C1QTNF7: variants seen among roughly 807,000 people sequenced by gnomAD.
C1QTNF7 encodes the protein complement C1q tumor necrosis factor-related protein 7.
Under a neutral mutation model 19.6 loss-of-function variants are expected in C1QTNF7, and 15 were observed. The ratio of observed to expected loss-of-function variants is 0.76; its 90% CI spans 0.51 to 1.18. C1QTNF7 has a LOEUF of 1.18. Ranked by LOEUF, C1QTNF7 falls within the 50% of genes most tolerant of loss-of-function variation. The probability of loss-of-function intolerance (pLI) is 0.00; values close to 1 mark genes in which losing one functional copy is unlikely to be tolerated. For synonymous variants in C1QTNF7, 142 were observed against 137.5 expected (o/e 1.03, Z -0.23); for missense variants, 324 against 359.7 (o/e 0.90, Z 0.80).
intron 1 of C1QTNF7, among the ~76,000 whole-genome samples, chr4:15,375,126 C>T (rs73799820): frequency 0.069 from 10,459 of 151,950 alleles, 444 homozygotes; most frequent in African/African-American, 0.12. Context: ...TGTAACCCTA[C>T]TCTGAAAAAC....
intron 1 of C1QTNF7, among the ~76,000 whole-genome samples, chr4:15,405,402 A>C (rs1719155233): frequency 6.6e-6 from 1 of 151,964 alleles, no homozygotes. Context: ...TATCAGCAAG[A>C]CTCCTGTCAG....
At chr4:15,366,448 G>A (rs550414835) in intron 1 of C1QTNF7, among the ~76,000 whole-genome samples, 22 of 152,268 alleles carry the variant, frequency 1.4e-4, no homozygotes, top group South Asian at 4.1e-4. Context: ...ACTGCGGATA[G>A]TCCCCTGGAA....
intron 1 of C1QTNF7, among the ~76,000 whole-genome samples, chr4:15,366,915 G>A (rs1287299358): frequency 2.0e-5 from 3 of 152,150 alleles, no homozygotes; most frequent in African/African-American, 7.2e-5. Flanking sequence ...AAATTGGGGG[G>A]AAAAGATAGT....
chr4:15,423,826 C>A (rs1054072501), upstream of C1QTNF7, among the ~76,000 whole-genome samples: 1 of 152,186 alleles, frequency 6.6e-6, no homozygotes, highest in East Asian at 1.9e-4. Flanking sequence ...ACCGTTTCCC[C>A]CCCTTTTAGG....
intron 1 of C1QTNF7, among the ~76,000 whole-genome samples, chr4:15,357,281 T>C (rs749408644): frequency 9.9e-5 from 15 of 152,258 alleles, no homozygotes; most frequent in Non-Finnish European, 1.9e-4. Flanking sequence ...GTATAAAATG[T>C]AAGGAAGGCG....
chr4:15,342,118 G>A (rs1241626144), intron 1 of C1QTNF7, among the ~76,000 whole-genome samples: 1 of 152,256 alleles, frequency 6.6e-6, no homozygotes, highest in Non-Finnish European at 1.5e-5. Context: ...GCCCTGGAAA[G>A]GACAGGTCAG....
chr4:15,360,557 A>C (rs891803812), intron 1 of C1QTNF7, among the ~76,000 whole-genome samples: 1 of 152,196 alleles, frequency 6.6e-6, no homozygotes, highest in African/African-American at 2.4e-5. Context: ...ACTTAGAAAC[A>C]CTAGTCAGCA....
chr4:15,379,583 C>T (rs975456951), intron 1 of C1QTNF7, among the ~76,000 whole-genome samples: 5 of 152,192 alleles, frequency 3.3e-5, no homozygotes, highest in African/African-American at 4.8e-5. Flanking sequence ...GACTCCACAA[C>T]CTGCTAACTT....
At chr4:15,419,403 T>C (rs1711631775) in intron 1 of C1QTNF7, among the ~76,000 whole-genome samples, 1 of 152,224 alleles carries the variant, frequency 6.6e-6, no homozygotes, top group South Asian at 2.1e-4. Flanking sequence ...GGATATCGTT[T>C]GGCCATTAAT....
chr4:15,405,196 C>T (rs1719147462), intron 1 of C1QTNF7, among the ~76,000 whole-genome samples: 1 of 152,202 alleles, frequency 6.6e-6, no homozygotes, highest in South Asian at 2.1e-4. Context: ...CCTCGTTCCA[C>T]TGTTTCATCC....
chr4:15,435,594 A>G, intron 1 of C1QTNF7, 142 bp from the exon 2 acceptor site: 1 of 1,158,726 alleles, frequency 8.6e-7, no homozygotes, highest in East Asian at 2.5e-5. Context: ...GAAGGTAAAC[A>G]GTGTTTTACA....
intron 1 of C1QTNF7, among the ~76,000 whole-genome samples, chr4:15,366,844 G>T (rs1426940316): frequency 2.0e-5 from 3 of 152,296 alleles, no homozygotes; most frequent in Non-Finnish European, 4.4e-5. Context: ...GGAAGTGCAT[G>T]TGTGACTCCT....
At chr4:15,386,022 A>G (rs4698377) in intron 1 of C1QTNF7, among the ~76,000 whole-genome samples, 18,494 of 152,234 alleles carry the variant, frequency 0.12, 1,464 homozygotes, top group East Asian at 0.4. Flanking sequence ...CCAGACTGTT[A>G]TGCTCAAAAA....
chr4:15,384,771 T>C (rs1718270403), intron 1 of C1QTNF7, among the ~76,000 whole-genome samples: 1 of 152,224 alleles, frequency 6.6e-6, no homozygotes, highest in Admixed American at 6.5e-5. Flanking sequence ...ATTTTGACTG[T>C]CTTCCTTTAA....
chr4:15,445,179 A>G lies in C1QTNF7; in HGVS notation c.*2380A>G, dbSNP rs894659696. The G allele has an allele frequency of 6.6e-6, 1 of 152,262 alleles. No individual in the cohort carries two copies. Among genetic ancestry groups the G allele is most frequent in the African/African-American group, 2.4e-5 (1 of 41,464 alleles). The allele number at this position is 152,262 out of a possible 1,614,324, so 9.4% of individuals were successfully genotyped here. On this transcript the variant is annotated 3_prime_UTR_variant, in exon 3 of 3. Transcript: ENST00000444304. The stretch of plus-strand genomic sequence containing the variant: ...GACCAAGAACAATGAGTATTAGAAA[A>G]AAAGGAGACAGCAAAGGTGGTTTGA...
At chr4:15,386,539 A>T (rs534336055) in intron 1 of C1QTNF7, among the ~76,000 whole-genome samples, 6 of 152,284 alleles carry the variant, frequency 3.9e-5, no homozygotes, top group African/African-American at 1.4e-4. Flanking sequence ...TTAGATGACC[A>T]TACAAGTCAT....
At chr4:15,382,099 A>C (rs990514657) in intron 1 of C1QTNF7, among the ~76,000 whole-genome samples, 2 of 152,208 alleles carry the variant, frequency 1.3e-5, no homozygotes, top group African/African-American at 2.4e-5. Flanking sequence ...TAATTCCCAG[A>C]ATTTGTGCAA....
At chr4:15,376,699 A>G (rs562510501) in intron 1 of C1QTNF7, among the ~76,000 whole-genome samples, 10 of 152,302 alleles carry the variant, frequency 6.6e-5, no homozygotes, top group African/African-American at 2.4e-4. Flanking sequence ...CATAATAGAG[A>G]AAGTCCACAT....
chr4:15,425,636 T>C (rs1469225383), upstream of C1QTNF7, among the ~76,000 whole-genome samples: 2 of 152,068 alleles, frequency 1.3e-5, no homozygotes, highest in Admixed American at 1.3e-4. Flanking sequence ...GGAGGAAATA[T>C]GGTAAGTAGT....
Sources: allele counts gnomAD v4.1 joint callset (sites outside exome capture counted in the v4.1 genomes callset), GRCh38; gene constraint gnomAD v4.1.1; transcripts MANE v1.5; gene names NCBI Gene and HGNC (gene_info 2026-07-23, HGNC 2026-07-21).